The following TENM1 variants were observed in gnomAD, a reference collection of about 807,000 sequenced individuals.
TENM1 encodes teneurin transmembrane protein 1.
A neutral mutation model predicts 174.8 loss-of-function variants in TENM1; 35 were observed. That is an observed-to-expected ratio of 0.20 (90% CI 0.15 to 0.27). The LOEUF is 0.27. Among genes scored for constraint, TENM1 ranks in the 10% least tolerant of loss-of-function variants. The pLI, the probability that TENM1 is intolerant of heterozygous loss-of-function variation, is 1.00. For missense variants in TENM1, 1,633 were observed against 2,130.1 expected (o/e 0.77, Z 4.59); for synonymous variants, 781 against 798.7 (o/e 0.98, Z 0.37).
intron 11 of TENM1, among the ~76,000 whole-genome samples, chrX:124,600,384 T>C (rs1291642763): frequency 1.8e-5 from 2 of 111,783 alleles, no homozygotes. Flanking sequence ...AGCAAGAAAC[T>C]ATAATTCATT....
intron 15 of TENM1, among the ~76,000 whole-genome samples, chrX:124,531,604 T>C (rs781530440): frequency 8.9e-6 from 1 of 112,621 alleles, no homozygotes; most frequent in South Asian, 3.7e-4. Flanking sequence ...CCAACATTCA[T>C]AGCTCTGTGA....
At chrX:124,735,259 C>A (rs2053644142) in intron 4 of TENM1, among the ~76,000 whole-genome samples, 1 of 111,480 alleles carries the variant, frequency 9.0e-6, no homozygotes, top group Non-Finnish European at 1.9e-5. Flanking sequence ...GAAAAAAATA[C>A]CCAAAAATTC....
At chrX:125,186,442 G>T in the TENM1 span, among the ~76,000 whole-genome samples, 41 of 111,085 alleles carry the variant, frequency 3.7e-4, no homozygotes, top group Non-Finnish European at 6.4e-4. Flanking sequence ...CACATATTGA[G>T]ATTTGATCCT....
At chrX:124,864,851 C>T (rs1305127963) in intron 3 of TENM1, among the ~76,000 whole-genome samples, 1 of 109,534 alleles carries the variant, frequency 9.1e-6, no homozygotes, top group Non-Finnish European at 1.9e-5. Context: ...AAAAAAGGAT[C>T]CTAAAAGAGA....
chrX:125,171,783 A>G, the TENM1 span, among the ~76,000 whole-genome samples: 3 of 111,562 alleles, frequency 2.7e-5, no homozygotes, highest in Admixed American at 9.5e-5. Context: ...TTTATAAGCC[A>G]TATAGTTTAT....
intron 11 of TENM1, among the ~76,000 whole-genome samples, chrX:124,579,051 T>C (rs993983629): frequency 8.9e-6 from 1 of 112,091 alleles, no homozygotes. Context: ...TCATTGAAGA[T>C]AGCTATTTAA....
chrX:125,088,247 T>G, the TENM1 span, among the ~76,000 whole-genome samples: 1 of 111,494 alleles, frequency 9.0e-6, no homozygotes, highest in South Asian at 3.7e-4. Flanking sequence ...TAATCAGTAC[T>G]GCCAAAGTCA....
chrX:124,910,827 C>T, intron 1 of TENM1, among the ~76,000 whole-genome samples: 1 of 111,520 alleles, frequency 9.0e-6, no homozygotes, highest in African/African-American at 3.3e-5. Context: ...AGTTGCCTAA[C>T]AGCACAGCAG....
chrX:125,050,234 A>G, the TENM1 span, among the ~76,000 whole-genome samples: 2 of 109,595 alleles, frequency 1.8e-5, no homozygotes. Flanking sequence ...ATATGTATAC[A>G]TGTGCCACAT....
At chrX:124,473,671 T>C (rs2147915099) in intron 22 of TENM1, among the ~76,000 whole-genome samples, 1 of 111,224 alleles carries the variant, frequency 9.0e-6, no homozygotes, top group South Asian at 3.8e-4. Context: ...CCTAGGCTTG[T>C]CTTTCTCAGG....
intron 25 of TENM1, among the ~76,000 whole-genome samples, chrX:124,409,149 T>C (rs2060500501): frequency 9.1e-6 from 1 of 110,322 alleles, no homozygotes; most frequent in Non-Finnish European, 1.9e-5. Context: ...TGTGTCTTTA[T>C]AGCAGCATGA....
chrX:124,493,683 C>A (rs1330384556), intron 20 of TENM1, among the ~76,000 whole-genome samples: 2 of 111,142 alleles, frequency 1.8e-5, no homozygotes, highest in African/African-American at 3.3e-5. Context: ...CACATCCAGG[C>A]ATACAAGCAA....
the TENM1 span, among the ~76,000 whole-genome samples, chrX:125,016,133 C>T: frequency 9.0e-6 from 1 of 111,252 alleles, no homozygotes; most frequent in African/African-American, 3.3e-5. Flanking sequence ...CTAAAAGAAA[C>T]AAGGGCAGAT....
chrX:124,592,276 T>C (rs2049767381), intron 11 of TENM1, among the ~76,000 whole-genome samples: 1 of 111,607 alleles, frequency 9.0e-6, no homozygotes, highest in Non-Finnish European at 1.9e-5. Flanking sequence ...GACTTGCTAG[T>C]GTGATCCTTT....
chrX:124,853,637 C>T (rs151319250), intron 3 of TENM1, among the ~76,000 whole-genome samples: 93 of 110,565 alleles, frequency 8.4e-4, no homozygotes, highest in African/African-American at 2.8e-3. Flanking sequence ...CTGCTGTCTG[C>T]GAAGGTGTGC....
chrX:125,152,355 G>A, the TENM1 span, among the ~76,000 whole-genome samples: 1 of 111,747 alleles, frequency 8.9e-6, no homozygotes, highest in Admixed American at 9.5e-5. Flanking sequence ...AACAGGTGTG[G>A]TTGAAAAGAA....
chrX:124,603,465 A>G (rs755801519), intron 11 of TENM1, among the ~76,000 whole-genome samples: 4 of 109,968 alleles, frequency 3.6e-5, no homozygotes, highest in Non-Finnish European at 7.6e-5. Flanking sequence ...GAACAGCTCT[A>G]TGTTAGAGGT....
At chrX:124,621,329 C>T (rs937343530) in intron 11 of TENM1, among the ~76,000 whole-genome samples, 1 of 110,650 alleles carries the variant, frequency 9.0e-6, no homozygotes, top group Non-Finnish European at 1.9e-5. Context: ...AAAAATTAGC[C>T]GGGCATGGTG....
At chrX:124,482,733 C>T (rs192000305) in intron 21 of TENM1, among the ~76,000 whole-genome samples, 3 of 112,198 alleles carry the variant, frequency 2.7e-5, no homozygotes, top group East Asian at 2.8e-4. Context: ...TACATACTCA[C>T]AAGGAATCTC....
Sources: allele counts gnomAD v4.1 joint callset (sites outside exome capture counted in the v4.1 genomes callset), GRCh38; gene constraint gnomAD v4.1.1; transcripts MANE v1.5; gene names NCBI Gene and HGNC (gene_info 2026-07-23, HGNC 2026-07-21).